The following REV3L variants were observed in gnomAD, a reference collection of about 807,000 sequenced individuals.
REV3L encodes the protein DNA polymerase zeta catalytic subunit.
A neutral mutation model predicts 299.4 loss-of-function variants in REV3L; 69 were observed. The observed-to-expected ratio is 0.23, with a 90% CI of 0.19 to 0.28. REV3L has a LOEUF of 0.28. Ranked by LOEUF, REV3L falls within the 10% of genes least tolerant of loss-of-function variation. The pLI is 1.00. For missense variants in REV3L, 3,128 were observed against 3,693.8 expected (o/e 0.85, Z 3.97); for synonymous variants, 1,238 against 1,271.4 (o/e 0.97, Z 0.56).
chr6:111,367,988 C>T lies in REV3L; in HGVS notation c.5800G>A (p.Ala1934Thr). 6.2e-7 allele frequency: 1 copy of T among 1,612,084 alleles called. No homozygotes were observed. Among genetic ancestry groups the T allele is most frequent in the Non-Finnish European group, 8.5e-7 (1 of 1,179,274 alleles). The change falls in exon 14 of 32, where the codon GCA becomes ACA. Residue 1934 changes from alanine to threonine, a missense_variant. Around this residue, in one of 9 missense-constraint regions of REV3L, gnomAD observed 2,409 missense variants for 2,611.8 expected, o/e 0.92. Transcript: ENST00000368802. ...GRLLMVETRL[A>T]NDLAEFEGDF... The stretch of plus-strand genomic sequence containing the variant: ...CCCTCAAACTCAGCCAGATCATTTG[C>T]AAGTCGAGTTTCTACCATGAGGAGC...
chr6:111,419,959 C>G (rs1432051186), intron 1 of REV3L, among the ~76,000 whole-genome samples: 1 of 152,118 alleles, frequency 6.6e-6, no homozygotes, highest in Admixed American at 6.5e-5. Context: ...GTTCTCCTGC[C>G]TCAGCCTCCG....
intron 3 of REV3L, among the ~76,000 whole-genome samples, chr6:111,411,021 A>G (rs1028756609): frequency 1.1e-4 from 16 of 152,198 alleles, no homozygotes; most frequent in Admixed American, 1.0e-3. Flanking sequence ...AAGAAAAAAC[A>G]ACCAAAACCA....
intron 2 of REV3L, among the ~76,000 whole-genome samples, chr6:111,415,911 G>A (rs904384785): frequency 4.6e-5 from 7 of 152,036 alleles, no homozygotes; most frequent in South Asian, 2.1e-4. Flanking sequence ...TCTGTTTCCC[G>A]TAGTAGAATG....
At chr6:111,433,522 C>T (rs143056487) in intron 1 of REV3L, among the ~76,000 whole-genome samples, 69 of 152,162 alleles carry the variant, frequency 4.5e-4, no homozygotes, top group Non-Finnish European at 7.9e-4. Flanking sequence ...GAAAGAGAAA[C>T]CTTAATACAC....
At chr6:111,450,834 A>T (rs145515558) in intron 1 of REV3L, among the ~76,000 whole-genome samples, 5 of 152,228 alleles carry the variant, frequency 3.3e-5, no homozygotes, top group Non-Finnish European at 7.4e-5. Context: ...GCTTTTGTCC[A>T]ATCTGTTGCT....
chr6:111,460,333 G>C (rs1290471316), intron 1 of REV3L: 1 of 151,858 alleles, frequency 6.6e-6, no homozygotes, highest in African/African-American at 2.4e-5. Context: ...CTAGGTGACG[G>C]GTTCAGTCGT....
intron 1 of REV3L, among the ~76,000 whole-genome samples, chr6:111,454,696 C>T (rs1789967451): frequency 6.6e-6 from 1 of 151,986 alleles, no homozygotes; most frequent in Non-Finnish European, 1.5e-5. Flanking sequence ...GATGGAGTTT[C>T]GCTCTTGTTG....
At chr6:111,393,437 T>A (rs1782146227) in intron 4 of REV3L, among the ~76,000 whole-genome samples, 1 of 152,214 alleles carries the variant, frequency 6.6e-6, no homozygotes, top group Non-Finnish European at 1.5e-5. Flanking sequence ...ATACAATCTG[T>A]AATGACAAAA....
chr6:111,437,406 A>G (rs1787681703), intron 1 of REV3L, among the ~76,000 whole-genome samples: 2 of 152,118 alleles, frequency 1.3e-5, no homozygotes, highest in Admixed American at 6.5e-5. Context: ...TTATTCAGCC[A>G]TAAAAAGGAA....
Position 111,374,332 on chromosome 6 carries a change from A to T in REV3L, c.4023T>A (p.Asn1341Lys). The change falls in exon 13 of 32, where the codon AAT (asparagine) becomes AAA (lysine). Residue 1341 changes from asparagine to lysine, a missense_variant. Transcript: ENST00000368802. Reference sequence around the variant, plus strand: ...CCTTTAGAGTAAACATAGCACTTTGATTATGAGGCCTTTGAACATTAATTT... The same window carrying T: ...CCTTTAGAGTAAACATAGCACTTTGTTTATGAGGCCTTTGAACATTAATTT... ...VSKINVQRPH[N>K]QSAMFTLKES... The T allele has an allele frequency of 6.2e-7, 1 of 1,613,982 alleles. No individual in the cohort carries two copies. The highest frequency in any genetic ancestry group is 8.5e-7 in the Non-Finnish European group (1 of 1,179,932).
In REV3L at chr6:111,322,562, C is replaced by A; in HGVS notation, c.8351+7G>T. 1 of 1,607,754 alleles carries A rather than the reference C, an allele frequency of 6.2e-7. No individual in the cohort carries two copies. Among genetic ancestry groups the A allele is most frequent in the Non-Finnish European group, 8.5e-7 (1 of 1,174,324 alleles). ...AAAAGACAACTACAAAACCAAAAAC[C>A]CATTACCTGTCAGTATCGCCATATA... is the stretch of plus-strand genomic sequence containing the variant. On this transcript the variant is annotated splice_region_variant and intron_variant, in intron 26 of 31. Transcript: ENST00000368802.
chr6:111,450,972 A>G (rs1789466830), intron 1 of REV3L, among the ~76,000 whole-genome samples: 1 of 152,256 alleles, frequency 6.6e-6, no homozygotes, highest in South Asian at 2.1e-4. Flanking sequence ...TTTGTTTATG[A>G]AACTTATCCC....
intron 5 of REV3L, among the ~76,000 whole-genome samples, chr6:111,391,240 A>T (rs1049119198): frequency 1.3e-5 from 2 of 151,898 alleles, no homozygotes; most frequent in Non-Finnish European, 2.9e-5. Flanking sequence ...TAATTTTTGT[A>T]TTTTTAGTAC....
At chr6:111,381,232 CTCT>C in intron 10 of REV3L, 90 bp downstream of exon 10, 1 of 1,277,834 alleles carries the variant, frequency 7.8e-7, no homozygotes, top group Non-Finnish European at 1.1e-6. Context: ...CAACATTTAC[CTCT>C]TCAAGTCAAT....
chr6:111,365,710 A>T (rs1779118743), intron 14 of REV3L, among the ~76,000 whole-genome samples: 1 of 152,176 alleles, frequency 6.6e-6, no homozygotes, highest in Non-Finnish European at 1.5e-5. Context: ...CAAACATACT[A>T]GAAAAATAAA....
intron 9 of REV3L, among the ~76,000 whole-genome samples, chr6:111,384,299 C>T (rs1413093840): frequency 6.6e-6 from 1 of 152,044 alleles, no homozygotes. Context: ...GCAAAGGAAA[C>T]AATCAACAAA....
chr6:111,438,467 A>G (rs533355204), intron 1 of REV3L, among the ~76,000 whole-genome samples: 2 of 151,468 alleles, frequency 1.3e-5, no homozygotes, highest in East Asian at 3.9e-4. Context: ...AGTGTGCACC[A>G]GTGTACCTGG....
At chr6:111,347,501 T>C (rs1418533265) in intron 20 of REV3L, among the ~76,000 whole-genome samples, 1 of 152,042 alleles carries the variant, frequency 6.6e-6, no homozygotes, top group African/African-American at 2.4e-5. Context: ...AAATGTTTTA[T>C]ATAAATCCAA....
chr6:111,481,137 T>C (rs937796919), intron 1 of REV3L, among the ~76,000 whole-genome samples: 4 of 152,168 alleles, frequency 2.6e-5, no homozygotes, highest in African/African-American at 2.4e-5. Flanking sequence ...ACTCAAACCA[T>C]ACAAGCTGTA....
Sources: gnomAD v4.1 joint callset for allele counts (sites outside exome capture counted in the v4.1 genomes callset) on GRCh38, gnomAD v4.1.1 for gene constraint, gnomAD v4.1.1 regional missense constraint, MANE v1.5 for transcripts, NCBI Gene and HGNC (gene_info 2026-07-23, HGNC 2026-07-21) for gene names.